Variants in KLHL32 observed in about 807,000 individuals in gnomAD.
KLHL32 encodes kelch-like protein 32.
KLHL32 carries 35 observed loss-of-function variants against 64.8 expected under a neutral mutation model. The ratio of observed to expected loss-of-function variants is 0.54; its 90% CI spans 0.41 to 0.72. The LOEUF is 0.72. Ranked by LOEUF, KLHL32 falls within the 30% of genes least tolerant of loss-of-function variation. KLHL32 has a pLI of 0.00. For synonymous variants in KLHL32, 259 were observed against 281.0 expected (o/e 0.92, Z 0.78); for missense variants, 589 against 768.5 (o/e 0.77, Z 2.76).
chr6:97,096,990 G>A (rs1389902577), intron 6 of KLHL32, among the ~76,000 whole-genome samples: 1 of 152,160 alleles, frequency 6.6e-6, no homozygotes, highest in Non-Finnish European at 1.5e-5. Flanking sequence ...TTTCAAGAGC[G>A]AATTTGTTAG....
At chr6:97,078,941 A>T (rs79124302) in intron 5 of KLHL32, among the ~76,000 whole-genome samples, 4,675 of 152,252 alleles carry the variant, frequency 0.031, 235 homozygotes, top group African/African-American at 0.1. Context: ...GCCAAAACTA[A>T]GACTATGTTT....
At chr6:96,954,837 A>G (rs1773068790) in intron 1 of KLHL32, among the ~76,000 whole-genome samples, 1 of 152,132 alleles carries the variant, frequency 6.6e-6, no homozygotes, top group African/African-American at 2.4e-5. Context: ...TTTTAAATAG[A>G]TTTTTTTCTC....
At chr6:96,993,027 A>G (rs1778059388) in intron 3 of KLHL32, among the ~76,000 whole-genome samples, 1 of 152,236 alleles carries the variant, frequency 6.6e-6, no homozygotes, top group Non-Finnish European at 1.5e-5. Context: ...AAAGCCGAAT[A>G]AAGTTGGAGC....
At chr6:97,046,096 T>C (rs1562276708) in intron 4 of KLHL32, among the ~76,000 whole-genome samples, 1 of 152,202 alleles carries the variant, frequency 6.6e-6, no homozygotes, top group Non-Finnish European at 1.5e-5. Context: ...GTCTGTGGCA[T>C]ACAGCAGTAA....
At chr6:96,957,499 A>C (rs1299338944) in intron 1 of KLHL32, among the ~76,000 whole-genome samples, 1 of 152,222 alleles carries the variant, frequency 6.6e-6, no homozygotes, top group Non-Finnish European at 1.5e-5. Flanking sequence ...ATCTATAAAG[A>C]TGAAGATGAA....
In KLHL32 at chr6:96,996,211, A is replaced by G. The variant is rs1778405719; in HGVS notation, c.204+20034A>G. Among the ~76,000 whole-genome samples the G allele has an allele frequency of 2.0e-5, 3 of 152,262 alleles. No individual in the cohort carries two copies. In the South Asian group the frequency reaches 6.2e-4, roughly 31 times the overall value. On this transcript the variant is annotated intron_variant, in intron 3 of 10. Coordinates refer to ENST00000369261, the MANE Select transcript of KLHL32 (RefSeq NM_052904.4). ...ACGCCTACAGTTTCTGGCCAGGGAA[A>G]CAGATGTCTTGACTGTCTAACATAA...
intron 6 of KLHL32, among the ~76,000 whole-genome samples, chr6:97,088,266 A>G (rs1337225180): frequency 6.6e-6 from 1 of 152,192 alleles, no homozygotes; most frequent in African/African-American, 2.4e-5. Flanking sequence ...AAGGCCAGCA[A>G]TTTATCAGGT....
At chr6:97,117,450 C>T (rs1206882521) in intron 7 of KLHL32, among the ~76,000 whole-genome samples, 1 of 152,140 alleles carries the variant, frequency 6.6e-6, no homozygotes, top group Non-Finnish European at 1.5e-5. Flanking sequence ...AGCGTGCTCA[C>T]TCCCTCTCCA....
chr6:97,045,417 TC>T (rs1360192404), intron 4 of KLHL32, among the ~76,000 whole-genome samples: 9 of 152,204 alleles, frequency 5.9e-5, no homozygotes, highest in Non-Finnish European at 1.2e-4. Context: ...TATTTGCCCA[TC>T]TCTAGAGTAA....
chr6:97,049,880 G>C (rs1049900672), intron 4 of KLHL32, among the ~76,000 whole-genome samples: 6 of 152,178 alleles, frequency 3.9e-5, no homozygotes, highest in African/African-American at 1.2e-4. Context: ...GAACAGCTTT[G>C]TTGGTCCCAA....
At chr6:97,016,984 C>T (rs1457126403) in intron 3 of KLHL32, among the ~76,000 whole-genome samples, 1 of 152,174 alleles carries the variant, frequency 6.6e-6, no homozygotes, top group Non-Finnish European at 1.5e-5. Flanking sequence ...TTTCCTGAAG[C>T]CTCCCCAGCC....
intron 2 of KLHL32, among the ~76,000 whole-genome samples, chr6:96,969,354 T>C (rs1774862106): frequency 6.6e-6 from 1 of 152,188 alleles, no homozygotes; most frequent in African/African-American, 2.4e-5. Flanking sequence ...TTGTAATGTC[T>C]CATTTTCTGG....
At chr6:97,112,169 A>G (rs1797236058) in intron 6 of KLHL32, among the ~76,000 whole-genome samples, 1 of 152,202 alleles carries the variant, frequency 6.6e-6, no homozygotes, top group Admixed American at 6.5e-5. Flanking sequence ...TCTTCTGCCC[A>G]GAATTTCCTG....
At chr6:96,954,017 T>C (rs1056835373) in intron 1 of KLHL32, among the ~76,000 whole-genome samples, 2 of 152,168 alleles carry the variant, frequency 1.3e-5, no homozygotes, top group African/African-American at 4.8e-5. Flanking sequence ...CTGTTTTTAA[T>C]AATTGTAGTT....
chr6:97,058,240 A>G (rs1352413763), intron 4 of KLHL32, among the ~76,000 whole-genome samples: 2 of 152,120 alleles, frequency 1.3e-5, no homozygotes, highest in Admixed American at 6.5e-5. Context: ...TTGCTTCTTC[A>G]TATAAGCTTT....
At chr6:96,928,805 GT>G (rs1253692623) in intron 1 of KLHL32, among the ~76,000 whole-genome samples, 1 of 152,036 alleles carries the variant, frequency 6.6e-6, no homozygotes, top group Non-Finnish European at 1.5e-5. Context: ...AGATGTAATC[GT>G]TTTTTTCTAG....
chr6:97,032,186 A>G (rs1008561419), intron 3 of KLHL32, among the ~76,000 whole-genome samples: 1 of 152,164 alleles, frequency 6.6e-6, no homozygotes, highest in Non-Finnish European at 1.5e-5. Context: ...TTTAAAAGGG[A>G]GTTGTTTGAA....
At position 96,985,367 on chromosome 6, in the gene KLHL32, G is replaced by A. The variant is rs549353492; in HGVS notation, c.204+9190G>A. Among the ~76,000 whole-genome samples, 11 of 152,122 alleles carry A rather than the reference G, an allele frequency of 7.2e-5. No individual in the cohort carries two copies. In the South Asian group the frequency reaches 1.5e-3, roughly 20 times the overall value. On this transcript the variant is annotated intron_variant, in intron 3 of 10. Coordinates refer to ENST00000369261, the MANE Select transcript of KLHL32 (RefSeq NM_052904.4). ...TATGTGTCTTGGAGTTGCTCTTCTCGAGGAGTATCTTTGTGGCATTCTCTG... is the reference window on the plus strand; with the variant it reads ...TATGTGTCTTGGAGTTGCTCTTCTCAAGGAGTATCTTTGTGGCATTCTCTG...
chr6:96,941,293 CA>C, intron 1 of KLHL32, among the ~76,000 whole-genome samples: 1 of 152,194 alleles, frequency 6.6e-6, no homozygotes, highest in East Asian at 1.9e-4. Flanking sequence ...ACACTGGTTT[CA>C]AAAATATTAA....
Sources: allele counts gnomAD v4.1 joint callset (sites outside exome capture counted in the v4.1 genomes callset), GRCh38; gene constraint gnomAD v4.1.1; transcripts MANE v1.5; gene names NCBI Gene and HGNC (gene_info 2026-07-23, HGNC 2026-07-21).